The following TRAPPC8 variants were observed in gnomAD, a reference collection of about 807,000 sequenced individuals.
The protein encoded by TRAPPC8 is general sporulation gene 1 homolog.
Under a neutral mutation model 174.3 loss-of-function variants are expected in TRAPPC8, and 54 were observed. The ratio of observed to expected loss-of-function variants is 0.31; its 90% CI spans 0.25 to 0.39. The LOEUF (loss-of-function observed/expected upper bound fraction) is 0.39, where lower values mean the gene tolerates loss of function less well. TRAPPC8 is among the 10% of genes least tolerant of loss of function. The pLI is 1.00. For synonymous variants in TRAPPC8, 630 were observed against 579.9 expected, an observed-to-expected ratio of 1.09 and a Z score of -1.24; for missense variants, 1,531 against 1,699.1, an observed-to-expected ratio of 0.90 and a Z score of 1.74.
intron 11 of TRAPPC8, among the ~76,000 whole-genome samples, chr18:31,893,809 T>A (rs981581437): frequency 2.0e-5 from 3 of 152,112 alleles, no homozygotes; most frequent in Admixed American, 2.0e-4. Context: ...CTTAGCACAC[T>A]GCACATATGC....
intron 1 of TRAPPC8, among the ~76,000 whole-genome samples, chr18:31,937,941 T>C (rs1304709113): frequency 6.6e-6 from 1 of 152,078 alleles, no homozygotes; most frequent in East Asian, 1.9e-4. Flanking sequence ...GACCTCAGGT[T>C]ATCATCCAAC....
At chr18:31,935,115 C>T (rs9952486) in intron 1 of TRAPPC8, among the ~76,000 whole-genome samples, 6,152 of 151,764 alleles carry the variant, frequency 0.041, 360 homozygotes, top group African/African-American at 0.12. Flanking sequence ...GAGGCCTTGG[C>T]GGGCGGATCA....
At chr18:31,854,350 A>G (rs1212468749) in intron 21 of TRAPPC8, among the ~76,000 whole-genome samples, 2 of 152,182 alleles carry the variant, frequency 1.3e-5, no homozygotes, top group South Asian at 2.1e-4. Flanking sequence ...AAAAACTCAC[A>G]TAACAGAATC....
chr18:31,880,090 A>AAAAAAAAT (rs1259899654), intron 12 of TRAPPC8, among the ~76,000 whole-genome samples: 49 of 85,350 alleles, frequency 5.7e-4, no homozygotes, highest in African/African-American at 2.1e-3. Flanking sequence ...TGAAAAAAAA[A>AAAAAAAAT]ATATATATAT....
chr18:31,916,066 A>G (rs1274322261), intron 4 of TRAPPC8, among the ~76,000 whole-genome samples: 1 of 151,752 alleles, frequency 6.6e-6, no homozygotes, highest in African/African-American at 2.4e-5. Flanking sequence ...CAAAAAAAAA[A>G]AAAAAAAAGA....
intron 27 of TRAPPC8, 164 bp from the exon 28 acceptor site, chr18:31,832,337 T>C: frequency 3.5e-6 from 1 of 281,820 alleles, no homozygotes; most frequent in East Asian, 5.8e-5. Flanking sequence ...AGACAAATTA[T>C]ATTGTAAATA....
At chr18:31,931,822 A>G (rs11081729) in intron 1 of TRAPPC8, among the ~76,000 whole-genome samples, 38,243 of 152,092 alleles carry the variant, frequency 0.25, 5,375 homozygotes, top group South Asian at 0.52. Context: ...TATCCATACC[A>G]CTTCCCTTAT....
chr18:31,834,111 T>C (rs1231036512), intron 27 of TRAPPC8, among the ~76,000 whole-genome samples: 2 of 151,526 alleles, frequency 1.3e-5, no homozygotes, highest in Non-Finnish European at 2.9e-5. Flanking sequence ...GTTGTTGTTG[T>C]TGTTTTTTAT....
chr18:31,856,063 T>C (rs1598613466), intron 20 of TRAPPC8, among the ~76,000 whole-genome samples: 1 of 152,134 alleles, frequency 6.6e-6, no homozygotes. Context: ...GTATAACACA[T>C]AAAAATAATC....
chr18:31,903,046 CAAA>C (rs56801475), intron 9 of TRAPPC8, among the ~76,000 whole-genome samples: 3 of 122,738 alleles, frequency 2.4e-5, no homozygotes, highest in Non-Finnish European at 1.7e-5. Flanking sequence ...AGACTCATCT[CAAA>C]AAAAAAAAAA....
intron 11 of TRAPPC8, among the ~76,000 whole-genome samples, 183 bp downstream of exon 11, chr18:31,897,603 T>C (rs936497952): frequency 3.3e-5 from 5 of 152,138 alleles, no homozygotes; most frequent in African/African-American, 1.2e-4. Context: ...ATAAACTTAA[T>C]TTATAAAAAA....
At chr18:31,840,345 T>C (rs1332616489) in intron 26 of TRAPPC8, among the ~76,000 whole-genome samples, 2 of 135,874 alleles carry the variant, frequency 1.5e-5, no homozygotes, top group African/African-American at 5.4e-5. Context: ...CAACAGAATG[T>C]GGCTCTGCCT....
intron 12 of TRAPPC8, among the ~76,000 whole-genome samples, chr18:31,885,013 C>G (rs1189277788): frequency 6.6e-6 from 1 of 151,202 alleles, no homozygotes; most frequent in Non-Finnish European, 1.5e-5. Flanking sequence ...GCCACCACGC[C>G]CGGCTAATTT....
At chr18:31,942,464 A>C in intron 1 of TRAPPC8, 144 bp downstream of exon 1, 1 of 1,105,308 alleles carries the variant, frequency 9.0e-7, no homozygotes, top group South Asian at 2.1e-5. Context: ...CCGCCCCCGG[A>C]GCACCGCGGG....
chr18:31,867,603 ATG>A, intron 16 of TRAPPC8, 127 bp from the exon 17 acceptor site: 27 of 543,950 alleles, frequency 5.0e-5, no homozygotes, highest in Middle Eastern at 5.1e-4. Context: ...TTTTTACCAC[ATG>A]CTGAGCTCTA....
Position 31,917,642 on chromosome 18 carries a change from G to A in TRAPPC8, c.378C>T (p.Tyr126=). 6.2e-7 allele frequency: 1 copy of A among 1,613,162 alleles called. No homozygotes were observed. Among genetic ancestry groups the A allele is most frequent in the Non-Finnish European group, 8.5e-7 (1 of 1,179,668 alleles). The change falls in exon 3 of 29, where the codon TAC becomes TAT. Residue 126 remains tyrosine (Y), a synonymous_variant. Coordinates refer to ENST00000283351, the MANE Select transcript of TRAPPC8 (RefSeq NM_014939.5). ...ISATTPWFES[Y]RETFLQSMPA... Reference sequence around the variant, plus strand: ...GCATCGACTGAAGAAAGGTTTCTCTGTAAGACTCAAACCATGGAGTAGTGG... The same window carrying A: ...GCATCGACTGAAGAAAGGTTTCTCTATAAGACTCAAACCATGGAGTAGTGG...
At chr18:31,847,460 G>A (rs911783500) in intron 25 of TRAPPC8, among the ~76,000 whole-genome samples, 1 of 152,108 alleles carries the variant, frequency 6.6e-6, no homozygotes, top group Admixed American at 6.5e-5. Flanking sequence ...CAAACACAAA[G>A]GCTTAATTTT....
rs181128481 is a variant in TRAPPC8, at chr18:31,854,734, C to T, written c.3337-789G>A. Among the ~76,000 whole-genome samples the T allele has an allele frequency of 1.1e-4, 16 of 151,544 alleles. No individual in the cohort carries two copies. In the East Asian group the frequency reaches 1.4e-3, roughly 13 times the overall value. The stretch of plus-strand genomic sequence containing the variant: ...CTGTAATCCCAGCACTTGGGGAGGC[C>T]GAGGTGGGCGGATTACGAGGTCAGG... On this transcript the variant is annotated intron_variant, in intron 21 of 28. Transcript: ENST00000283351.
chr18:31,881,289 T>G (rs954311083), intron 12 of TRAPPC8, among the ~76,000 whole-genome samples: 1 of 151,688 alleles, frequency 6.6e-6, no homozygotes, highest in African/African-American at 2.4e-5. Context: ...GTACAAAAAA[T>G]AGACACATGA....
Sources: allele counts gnomAD v4.1 joint callset (sites outside exome capture counted in the v4.1 genomes callset), GRCh38; gene constraint gnomAD v4.1.1; transcripts MANE v1.5; gene names NCBI Gene and HGNC (gene_info 2026-07-23, HGNC 2026-07-21).